PPP6R2: variants seen among roughly 807,000 people sequenced by gnomAD.
The protein encoded by PPP6R2 is serine/threonine-protein phosphatase 6 regulatory subunit 2.
In PPP6R2, 62 loss-of-function variants were observed where a neutral mutation model predicts 100.2. The observed-to-expected ratio is 0.62, with a 90% CI of 0.50 to 0.76. The LOEUF (loss-of-function observed/expected upper bound fraction) is 0.76. Ranked by LOEUF, PPP6R2 falls within the 30% of genes least tolerant of loss-of-function variation. The pLI, the probability that PPP6R2 is intolerant of heterozygous loss-of-function variation, is 0.00. For synonymous variants in PPP6R2, 525 were observed against 514.7 expected, an observed-to-expected ratio of 1.02 and a Z score of -0.27; for missense variants, 1,142 against 1,276.3, an observed-to-expected ratio of 0.89 and a Z score of 1.60.
At position 50,431,163 on chromosome 22, in the gene PPP6R2, G is replaced by A. The variant is rs1054664722; in HGVS notation, c.1126-10G>A. On this transcript the variant is annotated splice_polypyrimidine_tract_variant and intron_variant, in intron 10 of 23. Transcript: ENST00000612753. The surrounding 1 kb of genome is among the most constrained non-coding windows in gnomAD (Gnocchi z 4.8). ...ATCTAAGAACTGTCTTCTGTCCTCT[G>A]TTTACCCAGGACTTGTTCTTTAAGT... 1 of 1,600,662 alleles carries A rather than the reference G, an allele frequency of 6.2e-7. No homozygotes were observed.
At chr22:50,360,455 C>A (rs2148324463) in intron 1 of PPP6R2, among the ~76,000 whole-genome samples, 1 of 151,150 alleles carries the variant, frequency 6.6e-6, no homozygotes, top group South Asian at 2.1e-4. Flanking sequence ...CTTGAACTCT[C>A]AGGCATAAGA....
chr22:50,360,193 C>T (rs1227942591), intron 1 of PPP6R2, among the ~76,000 whole-genome samples: 1 of 152,018 alleles, frequency 6.6e-6, no homozygotes, highest in African/African-American at 2.4e-5. Flanking sequence ...GCTGGGACTA[C>T]AGGTGCGTGC....
Position 50,386,805 on chromosome 22 carries a change from G to A in PPP6R2, c.-16-7088G>A, listed in dbSNP as rs543625145. ...CCCAGAGTTTAGTCACATGATGATA[G>A]CTGGCTGTAAGGAGGGTTGGAAAAG... On this transcript the variant is annotated intron_variant, in intron 2 of 23. Coordinates refer to ENST00000612753, the MANE Select transcript of PPP6R2 (RefSeq NM_001242898.2). Among the ~76,000 whole-genome samples the A allele has an allele frequency of 2.0e-5, 3 of 152,274 alleles. No homozygotes were observed. The East Asian group carries it at 5.8e-4, about 29-fold the overall frequency.
chr22:50,405,618 G>A (rs1603259580), intron 3 of PPP6R2, among the ~76,000 whole-genome samples: 2 of 74,054 alleles, frequency 2.7e-5, no homozygotes, highest in East Asian at 8.3e-4. Flanking sequence ...GGAGAGAAGT[G>A]AGAGGCCTGG....
At chr22:50,363,584 G>A (rs890715310) in intron 1 of PPP6R2, among the ~76,000 whole-genome samples, 6 of 152,182 alleles carry the variant, frequency 3.9e-5, no homozygotes, top group African/African-American at 1.4e-4. Context: ...GCATATGGTA[G>A]AGTCAGGAGC....
At chr22:50,372,318 G>A (rs1390949289) in intron 2 of PPP6R2, among the ~76,000 whole-genome samples, 168 bp downstream of exon 2, 13 of 152,120 alleles carry the variant, frequency 8.5e-5, no homozygotes, top group African/African-American at 1.2e-4. Flanking sequence ...TTGGGAGGCC[G>A]AGGTGGGTGG....
In PPP6R2 at chr22:50,348,512, C is replaced by T. The variant is rs1360592017; in HGVS notation, c.-148+4962C>T. Among the ~76,000 whole-genome samples, 3 of 152,160 alleles carry T rather than the reference C, an allele frequency of 2.0e-5. No individual in the cohort carries two copies. The East Asian group carries it at 5.8e-4, about 29-fold the overall frequency. On this transcript the variant is annotated intron_variant, in intron 1 of 23. Coordinates refer to ENST00000612753, the MANE Select transcript of PPP6R2 (RefSeq NM_001242898.2). ...AACCCTTCTAGGCTTTCTGATGGAA[C>T]AAATGGGTGGATAGTAGCACTGTTT...
At chr22:50,363,828 G>A (rs1479869075) in intron 1 of PPP6R2, among the ~76,000 whole-genome samples, 1 of 151,956 alleles carries the variant, frequency 6.6e-6, no homozygotes, top group Non-Finnish European at 1.5e-5. Flanking sequence ...AAAGTAAAGG[G>A]TGAAGAATAA....
In PPP6R2 at chr22:50,423,157, T is replaced by C. The variant is rs1033409159; in HGVS notation, c.973-305T>C. On this transcript the variant is annotated intron_variant, in intron 9 of 23. Coordinates refer to ENST00000612753, the MANE Select transcript of PPP6R2 (RefSeq NM_001242898.2). This position sits in a 1 kb window ranked among gnomAD's most constrained non-coding sequence, Gnocchi z 4.8. ...AAGGGCTCTGGCCTTAGACCGGTAC[T>C]GCTGGCCCCATCTTGGACATCTCAC... 6.6e-6 allele frequency among the ~76,000 whole-genome samples: 1 copy of C among 152,142 alleles called. No individual in the cohort carries two copies. Among genetic ancestry groups the C allele is most frequent in the Non-Finnish European group, 1.5e-5 (1 of 68,024 alleles).
rs778004591 is a variant in PPP6R2 at position 50,444,209 on chromosome 22, G to A, written c.2842G>A (p.Ala948Thr). 2 of 1,613,028 alleles carry A rather than the reference G, an allele frequency of 1.2e-6. No individual in the cohort carries two copies. Among genetic ancestry groups the A allele is most frequent in the South Asian group, 1.1e-5 (1 of 91,048 alleles). The part of the protein sequence containing the change: ...GTVTKDGKTD[A>T]PPEGAALNGP... Reference sequence around the variant, plus strand: ...ACCCCATTCCTGCAGGAAGACAGATGCCCCGCCAGAAGGAGCTGCCTTAAA... The same window carrying A: ...ACCCCATTCCTGCAGGAAGACAGATACCCCGCCAGAAGGAGCTGCCTTAAA... Residue 948 changes from alanine (A) to threonine (T), a missense_variant, in exon 24 of 24, where the codon GCC (alanine) becomes ACC (threonine). Physicochemically the swap from Ala to Thr is moderately conservative, Grantham distance 58. Coordinates refer to ENST00000612753, the MANE Select transcript of PPP6R2 (RefSeq NM_001242898.2).
chr22:50,442,502 C>G (rs1434198934), intron 22 of PPP6R2, among the ~76,000 whole-genome samples: 1 of 152,164 alleles, frequency 6.6e-6, no homozygotes, highest in Non-Finnish European at 1.5e-5. Flanking sequence ...GAAAGTCATA[C>G]AGAGTTCCTG....
chr22:50,400,470 C>G (rs2057840745), intron 3 of PPP6R2, among the ~76,000 whole-genome samples: 1 of 152,176 alleles, frequency 6.6e-6, no homozygotes, highest in Admixed American at 6.5e-5. Flanking sequence ...CCGTGTTGTC[C>G]TCTAGTCTCA....
At chr22:50,368,485 A>G (rs1304461187) in intron 1 of PPP6R2, among the ~76,000 whole-genome samples, 1 of 152,236 alleles carries the variant, frequency 6.6e-6, no homozygotes, top group Non-Finnish European at 1.5e-5. Context: ...TTCCTAGGTT[A>G]TAATTGTAGA....
intron 19 of PPP6R2, among the ~76,000 whole-genome samples, chr22:50,439,037 C>T (rs989202914): frequency 1.3e-5 from 2 of 150,524 alleles, no homozygotes; most frequent in Non-Finnish European, 3.0e-5. Flanking sequence ...CTCCATCGTC[C>T]GTCCAGCCCC....
intron 1 of PPP6R2, among the ~76,000 whole-genome samples, chr22:50,357,000 A>G (rs2046749057): frequency 6.6e-6 from 1 of 151,892 alleles, no homozygotes; most frequent in South Asian, 2.1e-4. Flanking sequence ...TTACACTCCT[A>G]CTAGTAATGG....
intron 4 of PPP6R2, among the ~76,000 whole-genome samples, chr22:50,411,793 C>G (rs1016004778): frequency 6.6e-6 from 1 of 151,940 alleles, no homozygotes; most frequent in Non-Finnish European, 1.5e-5. Context: ...CGCCTGTAAT[C>G]CCAGCACTTT....
rs1471083065 is a variant in PPP6R2 at position 50,423,344 on chromosome 22, C to T, written c.973-118C>T. Reference sequence around the variant, plus strand: ...GGCCCTCCCTGAGGAACCCCCACCACATACCTCGCTACCCCAGGCTGGGTC... The same window carrying T: ...GGCCCTCCCTGAGGAACCCCCACCATATACCTCGCTACCCCAGGCTGGGTC... On this transcript the variant is annotated intron_variant, in intron 9 of 23. Coordinates refer to ENST00000612753, the MANE Select transcript of PPP6R2 (RefSeq NM_001242898.2). The surrounding 1 kb of genome is among the most constrained non-coding windows in gnomAD (Gnocchi z 4.8). The T allele has an allele frequency of 1.5e-6, 2 of 1,291,604 alleles. No individual in the cohort carries two copies. The highest frequency in any genetic ancestry group is 2.1e-6 in the Non-Finnish European group (2 of 932,322). 80.0% of individuals were successfully genotyped at this position (1,291,604 alleles called of 1,614,324 possible). A position where few individuals can be genotyped will look rare whatever the true frequency, so the allele number is the denominator to read the frequency against.
Position 50,444,341 on chromosome 22 carries a change from A to C in PPP6R2, c.*94A>C. On this transcript the variant is annotated 3_prime_UTR_variant, in exon 24 of 24. Coordinates refer to ENST00000612753, the MANE Select transcript of PPP6R2 (RefSeq NM_001242898.2). ...ATGCAATCTTTTTTTTTTTTAATTT[A>C]ATTTAATTTTAAAATAAATGCTGCA... 2 of 1,382,158 alleles carry C rather than the reference A, an allele frequency of 1.4e-6. No individual in the cohort carries two copies. The highest frequency in any genetic ancestry group is 9.8e-7 in the Non-Finnish European group (1 of 1,020,718). 85.6% of individuals were successfully genotyped at this position (1,382,158 alleles called of 1,614,324 possible). A position where few individuals can be genotyped will look rare whatever the true frequency, so the allele number is the denominator to read the frequency against.
intron 2 of PPP6R2, among the ~76,000 whole-genome samples, chr22:50,382,344 A>T (rs2053259765): frequency 6.6e-6 from 1 of 152,124 alleles, no homozygotes. Flanking sequence ...CATGCCTGTA[A>T]TCCCAGCACT....
Sources: allele counts gnomAD v4.1 joint callset (sites outside exome capture counted in the v4.1 genomes callset), GRCh38; gene constraint gnomAD v4.1.1; non-coding constraint Gnocchi (gnomAD v3.1); transcripts MANE v1.5; gene names NCBI Gene and HGNC (gene_info 2026-07-23, HGNC 2026-07-21).